SPATS2L: variants seen among roughly 807,000 people sequenced by gnomAD.
SPATS2L encodes the protein spermatogenesis associated serine rich 2 like.
SPATS2L carries 30 observed loss-of-function variants against 59.6 expected under a neutral mutation model. That is an observed-to-expected ratio of 0.50 (90% CI 0.38 to 0.68). SPATS2L has a LOEUF of 0.68. Among genes scored for constraint, SPATS2L ranks in the 30% least tolerant of loss-of-function variants. The pLI, the probability that SPATS2L is intolerant of heterozygous loss-of-function variation, is 0.00. For missense variants in SPATS2L, 615 were observed against 700.0 expected, an observed-to-expected ratio of 0.88 and a Z score of 1.37; for synonymous variants, 252 against 263.5, an observed-to-expected ratio of 0.96 and a Z score of 0.42.
At chr2:200,383,768 C>A in intron 2 of SPATS2L, 1 of 432,072 alleles carries the variant, frequency 2.3e-6, no homozygotes, top group Non-Finnish European at 3.2e-6. Context: ...TATGTTTTTA[C>A]AAATCATGGG....
chr2:200,359,495 T>C (rs2081027796), intron 2 of SPATS2L, among the ~76,000 whole-genome samples: 2 of 152,228 alleles, frequency 1.3e-5, no homozygotes. Flanking sequence ...TTTATTTCAT[T>C]GTTCAAGGTA....
At chr2:200,315,756 C>G (rs1268173919) in intron 1 of SPATS2L, among the ~76,000 whole-genome samples, 1 of 150,398 alleles carries the variant, frequency 6.6e-6, no homozygotes, top group Non-Finnish European at 1.5e-5. Flanking sequence ...GAGGGAAGGG[C>G]ATACGGACTG....
chr2:200,306,318 C>G, upstream of SPATS2L: 3 of 1,002,226 alleles, frequency 3.0e-6, no homozygotes, highest in South Asian at 1.4e-4. Context: ...TCTCTTGCAA[C>G]ACGTGCGGAT....
At chr2:200,376,575 C>A (rs1170536844) in intron 2 of SPATS2L, among the ~76,000 whole-genome samples, 1 of 152,212 alleles carries the variant, frequency 6.6e-6, no homozygotes, top group Non-Finnish European at 1.5e-5. Flanking sequence ...CCTTTGAAGA[C>A]AAGTACCTTA....
At chr2:200,307,331 G>A (rs1175189821) in intron 1 of SPATS2L, among the ~76,000 whole-genome samples, 2 of 151,778 alleles carry the variant, frequency 1.3e-5, no homozygotes, top group Admixed American at 6.6e-5. Flanking sequence ...AAGCCGGAAA[G>A]AGACCCACCG....
chr2:200,364,912 G>A (rs879648917), intron 2 of SPATS2L, among the ~76,000 whole-genome samples: 40 of 152,178 alleles, frequency 2.6e-4, no homozygotes, highest in African/African-American at 9.4e-4. Flanking sequence ...AATAAACTCC[G>A]TGTATTGTTT....
chr2:200,323,877 A>T (rs1208393885), intron 1 of SPATS2L, among the ~76,000 whole-genome samples: 1 of 152,182 alleles, frequency 6.6e-6, no homozygotes, highest in East Asian at 1.9e-4. Flanking sequence ...ATTATAGGCA[A>T]CTCTTTTATT....
intron 2 of SPATS2L, among the ~76,000 whole-genome samples, chr2:200,338,634 T>A (rs550406282): frequency 6.6e-5 from 10 of 152,326 alleles, no homozygotes; most frequent in African/African-American, 1.7e-4. Context: ...GTGAAAAGAT[T>A]CATCTTATCA....
intron 2 of SPATS2L, among the ~76,000 whole-genome samples, chr2:200,340,659 C>T (rs556149207): frequency 3.4e-4 from 52 of 152,196 alleles, no homozygotes; most frequent in African/African-American, 1.2e-3. Context: ...GCCACATTGT[C>T]CGGATGGAGG....
At chr2:200,400,016 A>G (rs2082475544) in intron 3 of SPATS2L, among the ~76,000 whole-genome samples, 1 of 152,226 alleles carries the variant, frequency 6.6e-6, no homozygotes, top group Non-Finnish European at 1.5e-5. Context: ...CCCCCCTCCA[A>G]GTGGAGACTT....
chr2:200,429,735 T>C (rs963126063), intron 6 of SPATS2L, among the ~76,000 whole-genome samples: 3 of 152,238 alleles, frequency 2.0e-5, no homozygotes, highest in African/African-American at 7.2e-5. Flanking sequence ...TATTGCCATC[T>C]GCTGACATCA....
intron 2 of SPATS2L, among the ~76,000 whole-genome samples, chr2:200,343,537 CTA>C (rs942215892): frequency 1.3e-5 from 2 of 152,062 alleles, no homozygotes; most frequent in Non-Finnish European, 2.9e-5. Context: ...CAGTTTGTCA[CTA>C]TGTTTGTTTT....
At chr2:200,333,965 A>G (rs910621730) in intron 2 of SPATS2L, among the ~76,000 whole-genome samples, 5 of 152,106 alleles carry the variant, frequency 3.3e-5, no homozygotes, top group African/African-American at 7.2e-5. Flanking sequence ...ATAAACATAC[A>G]TGTGCATGTG....
chr2:200,339,688 G>A (rs1395490381), intron 2 of SPATS2L, among the ~76,000 whole-genome samples: 5 of 152,094 alleles, frequency 3.3e-5, no homozygotes, highest in Admixed American at 3.3e-4. Context: ...TCAATTCTTA[G>A]GGACTTTTAG....
chr2:200,468,677 T>C (rs915678224), intron 10 of SPATS2L, among the ~76,000 whole-genome samples: 1 of 152,198 alleles, frequency 6.6e-6, no homozygotes, highest in African/African-American at 2.4e-5. Flanking sequence ...CTAGTCTCTC[T>C]GCCTACACTG....
chr2:200,434,730 C>T (rs1417454141), intron 6 of SPATS2L, among the ~76,000 whole-genome samples: 9 of 152,022 alleles, frequency 5.9e-5, no homozygotes, highest in South Asian at 2.1e-4. Context: ...TATGTCATGT[C>T]GAGGGTCAAA....
At chr2:200,388,519 C>T (rs2082065386) in intron 2 of SPATS2L, among the ~76,000 whole-genome samples, 1 of 151,956 alleles carries the variant, frequency 6.6e-6, no homozygotes, top group South Asian at 2.1e-4. Flanking sequence ...CTGCAGTGAA[C>T]TGCGATCACG....
At chr2:200,348,722 C>A (rs2080606033) in intron 2 of SPATS2L, among the ~76,000 whole-genome samples, 1 of 152,090 alleles carries the variant, frequency 6.6e-6, no homozygotes, top group Non-Finnish European at 1.5e-5. Flanking sequence ...GATAGGCACA[C>A]ATGAGAATCT....
chr2:200,389,548 G>A (rs980966460), intron 3 of SPATS2L: 10 of 369,586 alleles, frequency 2.7e-5, no homozygotes, highest in Non-Finnish European at 4.4e-5. Context: ...TTTTACAGAG[G>A]TGGAAATTGA....
Sources: gnomAD v4.1 joint callset for allele counts (sites outside exome capture counted in the v4.1 genomes callset) on GRCh38, gnomAD v4.1.1 for gene constraint, MANE v1.5 for transcripts, NCBI Gene and HGNC (gene_info 2026-07-23, HGNC 2026-07-21) for gene names.